LINGO2: variants seen among roughly 807,000 people sequenced by gnomAD.
LINGO2 encodes the protein leucine-rich repeat and immunoglobulin-like domain-containing nogo receptor-interacting protein 2.
A neutral mutation model predicts 30.6 loss-of-function variants in LINGO2; 14 were observed. That is an observed-to-expected ratio of 0.46 (90% CI 0.30 to 0.72). The LOEUF (loss-of-function observed/expected upper bound fraction) is 0.72, where lower values mean the gene tolerates loss of function less well. Among genes scored for constraint, LINGO2 ranks in the 30% least tolerant of loss-of-function variants. LINGO2 has a pLI of 0.07. For synonymous variants in LINGO2, 317 were observed against 288.5 expected (o/e 1.10, Z -1.00); for missense variants, 729 against 751.7 (o/e 0.97, Z 0.35).
At chr9:28,883,655 T>C in the LINGO2 span, among the ~76,000 whole-genome samples, 1 of 133,732 alleles carries the variant, frequency 7.5e-6, no homozygotes, top group Non-Finnish European at 1.6e-5. Flanking sequence ...TATATATATA[T>C]ATATATATAT....
At chr9:28,296,050 C>T (rs34764315) in intron 3 of LINGO2, among the ~76,000 whole-genome samples, 22,245 of 152,140 alleles carry the variant, frequency 0.15, 2,225 homozygotes, top group Non-Finnish European at 0.22. Context: ...AAGGAATGAC[C>T]AGACTCAAGA....
At chr9:29,189,683 C>A in the LINGO2 span, among the ~76,000 whole-genome samples, 19 of 151,946 alleles carry the variant, frequency 1.3e-4, no homozygotes, top group Non-Finnish European at 1.8e-4. Context: ...GTGGTTGTAG[C>A]GAGCCGAGAT....
chr9:28,598,014 C>G (rs950797686), intron 1 of LINGO2, among the ~76,000 whole-genome samples: 5 of 152,140 alleles, frequency 3.3e-5, no homozygotes, highest in African/African-American at 1.2e-4. Flanking sequence ...ATCCACCCAC[C>G]TCTGCCTTCC....
chr9:28,205,594 A>G (rs1371011663), intron 4 of LINGO2, among the ~76,000 whole-genome samples: 2 of 152,200 alleles, frequency 1.3e-5, no homozygotes, highest in Non-Finnish European at 2.9e-5. Context: ...TAGGCACTCA[A>G]TAAATATTAG....
intron 1 of LINGO2, among the ~76,000 whole-genome samples, chr9:28,609,158 T>TTTG (rs1825809430): frequency 6.7e-6 from 1 of 148,848 alleles, no homozygotes; most frequent in African/African-American, 2.4e-5. Flanking sequence ...GCTAAAGAGT[T>TTTG]TTTTTTTTTT....
intron 1 of LINGO2, among the ~76,000 whole-genome samples, chr9:28,589,408 T>C (rs1824748104): frequency 1.3e-5 from 2 of 152,256 alleles, no homozygotes; most frequent in South Asian, 4.1e-4. Context: ...AACCCAATCG[T>C]CTCAGCTCAA....
At chr9:29,155,391 T>A in the LINGO2 span, among the ~76,000 whole-genome samples, 1 of 152,074 alleles carries the variant, frequency 6.6e-6, no homozygotes, top group Non-Finnish European at 1.5e-5. Flanking sequence ...TAGTCATTTT[T>A]AAAAAATTAC....
intron 4 of LINGO2, among the ~76,000 whole-genome samples, chr9:28,050,503 A>G (rs765835220): frequency 4.0e-5 from 6 of 151,028 alleles, no homozygotes; most frequent in Non-Finnish European, 8.8e-5. Flanking sequence ...GTTCAATGTT[A>G]AAATACTACA....
the LINGO2 span, among the ~76,000 whole-genome samples, chr9:28,908,942 T>C: frequency 6.6e-6 from 1 of 151,954 alleles, no homozygotes; most frequent in East Asian, 1.9e-4. Context: ...TGTTTTATTC[T>C]TCACTGTCTT....
chr9:28,623,238 G>T lies in LINGO2; in HGVS notation c.-365+46962C>A, dbSNP rs887302504. Among the ~76,000 whole-genome samples, 10 of 152,030 alleles carry T rather than the reference G, an allele frequency of 6.6e-5. No homozygotes were observed. In the South Asian group the frequency reaches 1.9e-3, roughly 28 times the overall value. On this transcript the variant is annotated intron_variant, in intron 1 of 5. Coordinates refer to ENST00000379992, the Ensembl canonical transcript of LINGO2. ...ATTTTTGCTTTTGTTGTTTGTGCTT[G>T]TGGGGTATTACTGAAGAAATTTTTG...
At chr9:29,148,592 T>C in the LINGO2 span, among the ~76,000 whole-genome samples, 11 of 152,318 alleles carry the variant, frequency 7.2e-5, no homozygotes, top group South Asian at 1.9e-3. Flanking sequence ...TTTTATTCCC[T>C]GTTAATTTGG....
At chr9:27,985,258 G>A (rs1360556745) in intron 5 of LINGO2, among the ~76,000 whole-genome samples, 1 of 151,794 alleles carries the variant, frequency 6.6e-6, no homozygotes, top group African/African-American at 2.4e-5. Context: ...TTTTGGTTCT[G>A]AATCTGCTGT....
chr9:28,233,062 T>TATATATA (rs1564063017), intron 4 of LINGO2, among the ~76,000 whole-genome samples: 6 of 45,426 alleles, frequency 1.3e-4, no homozygotes, highest in African/African-American at 8.7e-4. Flanking sequence ...ATATATATAT[T>TATATATA]AGATATATAA....
intron 4 of LINGO2, among the ~76,000 whole-genome samples, chr9:28,156,706 T>C (rs890285027): frequency 6.6e-6 from 1 of 152,224 alleles, no homozygotes; most frequent in African/African-American, 2.4e-5. Context: ...AGTTAGTTAC[T>C]TCATAGATAC....
At chr9:28,286,642 A>G (rs1333310438) in intron 4 of LINGO2, among the ~76,000 whole-genome samples, 2 of 152,186 alleles carry the variant, frequency 1.3e-5, no homozygotes, top group East Asian at 3.9e-4. Context: ...AAAAAGGATG[A>G]CATCATGTTC....
At chr9:28,390,727 T>C (rs1029354150) in intron 2 of LINGO2, among the ~76,000 whole-genome samples, 3 of 152,184 alleles carry the variant, frequency 2.0e-5, no homozygotes, top group Non-Finnish European at 2.9e-5. Flanking sequence ...TTCTCCTAGG[T>C]AAAAGCTATT....
chr9:28,777,017 G>T, the LINGO2 span, among the ~76,000 whole-genome samples: 1 of 152,122 alleles, frequency 6.6e-6, no homozygotes, highest in Admixed American at 6.6e-5. Flanking sequence ...GTTTAAAAGT[G>T]TGTGGCACGT....
At chr9:28,108,806 T>A (rs1455746465) in intron 4 of LINGO2, among the ~76,000 whole-genome samples, 1 of 152,148 alleles carries the variant, frequency 6.6e-6, no homozygotes, top group Non-Finnish European at 1.5e-5. Flanking sequence ...GAGAGATAAA[T>A]ATTTTATCCA....
Position 28,348,827 on chromosome 9 carries a change from G to A in LINGO2, c.-246+24009C>T, listed in dbSNP as rs1423508413. On this transcript the variant is annotated intron_variant, in intron 3 of 5. Coordinates refer to ENST00000379992, the Ensembl canonical transcript of LINGO2. The stretch of plus-strand genomic sequence containing the variant: ...GAGAACGGGCAGACTGCCTCCTCAA[G>A]TGGGTCCCTGACCCCTGAACCCCGG... Among the ~76,000 whole-genome samples the A allele has an allele frequency of 1.4e-4, 21 of 152,188 alleles. No homozygotes were observed. In the East Asian group the frequency reaches 3.7e-3, roughly 27 times the overall value.
Sources: gnomAD v4.1 joint callset for allele counts (sites outside exome capture counted in the v4.1 genomes callset) on GRCh38, gnomAD v4.1.1 for gene constraint, MANE v1.5 for transcripts, NCBI Gene and HGNC (gene_info 2026-07-23, HGNC 2026-07-21) for gene names.